SORCS1: variants seen among roughly 807,000 people sequenced by gnomAD.
SORCS1 encodes the protein sortilin related VPS10 domain containing receptor 1, also known as VPS10 domain-containing receptor SorCS1.
Under a neutral mutation model 146.1 loss-of-function variants are expected in SORCS1, and 60 were observed. The ratio of observed to expected loss-of-function variants is 0.41; its 90% CI spans 0.33 to 0.51. The LOEUF (loss-of-function observed/expected upper bound fraction) is 0.51, where lower values mean the gene tolerates loss of function less well. Among genes scored for constraint, SORCS1 ranks in the 20% least tolerant of loss-of-function variants. The pLI, the probability that SORCS1 is intolerant of heterozygous loss-of-function variation, is 0.21. For synonymous variants in SORCS1, 637 were observed against 584.0 expected, an observed-to-expected ratio of 1.09 and a Z score of -1.31; for missense variants, 1,352 against 1,487.6, an observed-to-expected ratio of 0.91 and a Z score of 1.50.
chr10:106,761,072 A>G (rs1859071743), intron 5 of SORCS1, among the ~76,000 whole-genome samples: 1 of 152,216 alleles, frequency 6.6e-6, no homozygotes, highest in Non-Finnish European at 1.5e-5. Flanking sequence ...GCACCACTGC[A>G]CTGCAGCCTG....
chr10:106,743,495 G>T (rs1184830005), intron 5 of SORCS1, among the ~76,000 whole-genome samples: 1 of 152,156 alleles, frequency 6.6e-6, no homozygotes, highest in Non-Finnish European at 1.5e-5. Flanking sequence ...TGCGATCTCA[G>T]CTCACTGCAA....
chr10:106,982,187 T>C (rs1956270763), intron 1 of SORCS1, among the ~76,000 whole-genome samples: 1 of 152,198 alleles, frequency 6.6e-6, no homozygotes, highest in African/African-American at 2.4e-5. Context: ...AGATAGGCCA[T>C]TACTGAAATT....
At chr10:107,118,425 G>C (rs971729671) in intron 1 of SORCS1, among the ~76,000 whole-genome samples, 1 of 152,148 alleles carries the variant, frequency 6.6e-6, no homozygotes, top group African/African-American at 2.4e-5. Context: ...AGTAAATCCA[G>C]GAAACAATCC....
chr10:106,863,630 C>G (rs1352119514), intron 2 of SORCS1, among the ~76,000 whole-genome samples: 4 of 144,922 alleles, frequency 2.8e-5, no homozygotes, highest in African/African-American at 1.0e-4. Context: ...TCACTGATCT[C>G]TATTCCTCCA....
chr10:107,085,059 G>C (rs1963658616), intron 1 of SORCS1, among the ~76,000 whole-genome samples: 1 of 152,166 alleles, frequency 6.6e-6, no homozygotes, highest in East Asian at 1.9e-4. Context: ...TTATTGAAGA[G>C]ATCCTGGGTT....
chr10:106,642,284 C>T (rs1849122030), intron 18 of SORCS1, among the ~76,000 whole-genome samples: 1 of 152,164 alleles, frequency 6.6e-6, no homozygotes, highest in African/African-American at 2.4e-5. Context: ...ATATTGTTAA[C>T]AACTTGGGGA....
intron 3 of SORCS1, among the ~76,000 whole-genome samples, chr10:106,783,460 T>C (rs755820297): frequency 6.6e-6 from 1 of 152,154 alleles, no homozygotes; most frequent in Non-Finnish European, 1.5e-5. Context: ...GGATGACATA[T>C]ATAGTACTTT....
intron 6 of SORCS1, among the ~76,000 whole-genome samples, chr10:106,718,190 T>C (rs1252201613): frequency 6.6e-6 from 1 of 152,152 alleles, no homozygotes; most frequent in African/African-American, 2.4e-5. Context: ...GAACACTGGC[T>C]GTGTGTTTTG....
chr10:106,719,579 C>A (rs12244005), intron 6 of SORCS1, among the ~76,000 whole-genome samples: 3,422 of 152,068 alleles, frequency 0.023, 110 homozygotes, highest in African/African-American at 0.07. Context: ...TGCCCAGCTA[C>A]TTTTTGTATT....
In SORCS1 at chr10:106,813,365, T is replaced by C. The variant is rs113228101; in HGVS notation, c.726+16209A>G. Among the ~76,000 whole-genome samples the C allele has an allele frequency of 4.6e-3, 698 of 151,898 alleles. 9 individuals carry two copies. Among genetic ancestry groups the C allele is most frequent in the African/African-American group, 0.016 (644 of 41,416 alleles). ...GCCAGGCTGTTCTCAAACTTCTGAC[T>C]TCGTGATCCTACCTACCTCGGCCTC... is the stretch of plus-strand genomic sequence containing the variant. On this transcript the variant is annotated intron_variant, in intron 3 of 25. Coordinates refer to ENST00000263054, the MANE Select transcript of SORCS1 (RefSeq NM_052918.5).
rs187047268 is a variant in SORCS1, at chr10:106,768,714, G to A, written c.886-7053C>T. Among the ~76,000 whole-genome samples the A allele has an allele frequency of 1.4e-3, 220 of 152,300 alleles. 1 individual carries two copies. The highest frequency in any genetic ancestry group is 5.2e-3 in the African/African-American group (216 of 41,570). ...TAAAGTGCCTGTAGCTCTGCGTACT[G>A]GAAAGGCACAGGGATAAGACAGCCT... On this transcript the variant is annotated intron_variant, in intron 4 of 25. Transcript: ENST00000263054.
chr10:106,579,404 C>T lies in SORCS1; in HGVS notation c.3336G>A (p.Val1112=), dbSNP rs529234803. ...AMLMLLSVVF[V]GLAVFVIYKF... ...TGTAGATGACGAACACTGCCAGCCC[C>T]ACAAACACCACTGAGAGCAGCATCA... Residue 1112 remains valine, a synonymous_variant, in exon 25 of 26, where the codon GTG becomes GTA. Transcript: ENST00000263054. 94 of 1,613,980 alleles carry T rather than the reference C, an allele frequency of 5.8e-5. 2 individuals carry two copies. The South Asian group carries it at 9.2e-4, about 16-fold the overall frequency.
intron 1 of SORCS1, among the ~76,000 whole-genome samples, chr10:107,084,262 A>ATT (rs11342875): frequency 0.014 from 1,892 of 133,336 alleles, 18 homozygotes; most frequent in African/African-American, 0.02. Context: ...TACCCGGCTA[A>ATT]TTTTTTTTTT....
At chr10:107,179,266 G>T in the SORCS1 span, among the ~76,000 whole-genome samples, 6 of 152,134 alleles carry the variant, frequency 3.9e-5, no homozygotes, top group South Asian at 4.1e-4. Context: ...TGTCCTAAAA[G>T]AATTTATTTT....
intron 2 of SORCS1, among the ~76,000 whole-genome samples, chr10:106,839,545 A>G (rs1948930082): frequency 6.6e-6 from 1 of 152,254 alleles, no homozygotes. Flanking sequence ...TGAAGCAGCA[A>G]GTGCTGATAC....
At chr10:106,633,439 G>A (rs565670145) in intron 18 of SORCS1, among the ~76,000 whole-genome samples, 43 of 152,060 alleles carry the variant, frequency 2.8e-4, no homozygotes, top group Non-Finnish European at 4.7e-4. Flanking sequence ...CTGTGATTTT[G>A]GACACATTAA....
chr10:106,745,724 A>G (rs1857684284), intron 5 of SORCS1, among the ~76,000 whole-genome samples: 2 of 152,230 alleles, frequency 1.3e-5, no homozygotes, highest in African/African-American at 4.8e-5. Flanking sequence ...GTATGGGACA[A>G]GAAAAAGAGT....
intron 4 of SORCS1, among the ~76,000 whole-genome samples, chr10:106,771,507 G>C (rs1175885261): frequency 6.6e-6 from 1 of 152,188 alleles, no homozygotes; most frequent in Non-Finnish European, 1.5e-5. Context: ...TCTCTTATCT[G>C]CTCAGTTTCC....
chr10:106,707,184 ATTTAATT>A (rs1286561334), intron 7 of SORCS1, among the ~76,000 whole-genome samples: 3 of 100,168 alleles, frequency 3.0e-5, no homozygotes, highest in Non-Finnish European at 4.3e-5. Context: ...CTTCTATTTA[ATTTAATT>A]TTTTTTTTTT....
Sources: gnomAD v4.1 joint callset for allele counts (sites outside exome capture counted in the v4.1 genomes callset) on GRCh38, gnomAD v4.1.1 for gene constraint, MANE v1.5 for transcripts, NCBI Gene and HGNC (gene_info 2026-07-23, HGNC 2026-07-21) for gene names.